XKR9: variants seen among roughly 807,000 people sequenced by gnomAD.
XKR9 encodes the protein XK-related protein 9.
In XKR9, 32 loss-of-function variants were observed where a neutral mutation model predicts 32.0. The ratio of observed to expected loss-of-function variants is 1.00; its 90% CI spans 0.76 to 1.34. XKR9 has a LOEUF of 1.34. Among genes scored for constraint, XKR9 ranks in the 40% most tolerant of loss-of-function variants. The pLI, the probability that XKR9 is intolerant of heterozygous loss-of-function variation, is 0.00. For missense variants in XKR9, 546 were observed against 429.7 expected, an observed-to-expected ratio of 1.27 and a Z score of -2.39; for synonymous variants, 168 against 143.4, an observed-to-expected ratio of 1.17 and a Z score of -1.22.
the XKR9 span, among the ~76,000 whole-genome samples, chr8:71,045,914 G>T: frequency 6.6e-6 from 1 of 152,164 alleles, no homozygotes; most frequent in African/African-American, 2.4e-5. Flanking sequence ...AAAGAGGAAG[G>T]CTGCCACGTG....
At chr8:71,025,884 C>T in the XKR9 span, among the ~76,000 whole-genome samples, 6 of 152,246 alleles carry the variant, frequency 3.9e-5, no homozygotes, top group South Asian at 2.1e-4. Flanking sequence ...CCTTCCAACC[C>T]GGCCCTCATG....
the XKR9 span, among the ~76,000 whole-genome samples, chr8:70,811,099 C>G: frequency 2.6e-5 from 4 of 152,268 alleles, no homozygotes; most frequent in Admixed American, 6.5e-5. Flanking sequence ...TCTCACAGAC[C>G]ATAGTGCAAT....
intron 1 of XKR9, among the ~76,000 whole-genome samples, chr8:70,673,444 G>C (rs925383238): frequency 6.6e-6 from 1 of 152,198 alleles, no homozygotes; most frequent in Non-Finnish European, 1.5e-5. Flanking sequence ...TAGTGACTAT[G>C]TTTTAGATGA....
At chr8:71,007,898 A>G in the XKR9 span, among the ~76,000 whole-genome samples, 1 of 152,128 alleles carries the variant, frequency 6.6e-6, no homozygotes, top group Non-Finnish European at 1.5e-5. Context: ...GAAAATAAAT[A>G]GAAGCAAAAA....
At chr8:70,755,496 C>T (rs1807208737) in intron 2 of XKR9, among the ~76,000 whole-genome samples, 1 of 152,098 alleles carries the variant, frequency 6.6e-6, no homozygotes, top group Admixed American at 6.6e-5. Flanking sequence ...ATAGCAAAGA[C>T]TTGGAACCAA....
At chr8:70,712,585 C>G (rs1805955602) in intron 4 of XKR9, among the ~76,000 whole-genome samples, 1 of 152,044 alleles carries the variant, frequency 6.6e-6, no homozygotes. Flanking sequence ...CTACCTGACT[C>G]CTGACTTCAA....
At chr8:71,020,830 C>G in the XKR9 span, among the ~76,000 whole-genome samples, 1 of 152,202 alleles carries the variant, frequency 6.6e-6, no homozygotes, top group Non-Finnish European at 1.5e-5. Flanking sequence ...TATCACCCTA[C>G]TTTGCTATCA....
At chr8:70,963,158 AC>A in the XKR9 span, among the ~76,000 whole-genome samples, 1,465 of 151,830 alleles carry the variant, frequency 9.6e-3, 22 homozygotes, top group African/African-American at 0.034. Context: ...TGTTGCTCCC[AC>A]CTCATGTGTC....
chr8:70,834,311 T>C, the XKR9 span, among the ~76,000 whole-genome samples: 1 of 152,160 alleles, frequency 6.6e-6, no homozygotes, highest in Non-Finnish European at 1.5e-5. Context: ...TTATATTCCA[T>C]TGAAGTAACT....
chr8:71,044,381 G>A, the XKR9 span, among the ~76,000 whole-genome samples: 2 of 152,144 alleles, frequency 1.3e-5, no homozygotes, highest in Non-Finnish European at 2.9e-5. Context: ...CAGCCCCAGA[G>A]ATAAGAACAA....
the XKR9 span, among the ~76,000 whole-genome samples, chr8:70,959,055 G>A: frequency 1.3e-5 from 2 of 151,784 alleles, no homozygotes; most frequent in Non-Finnish European, 2.9e-5. Context: ...CTTCTTTTAA[G>A]TATACACTTT....
chr8:70,758,213 C>T (rs62532102), intron 2 of XKR9, among the ~76,000 whole-genome samples: 11,040 of 152,096 alleles, frequency 0.073, 475 homozygotes, highest in Non-Finnish European at 0.089. Flanking sequence ...TGATGTCGTT[C>T]CTTAGGGAGG....
At chr8:70,778,050 T>C (rs1807558144) in intron 2 of XKR9, among the ~76,000 whole-genome samples, 1 of 152,238 alleles carries the variant, frequency 6.6e-6, no homozygotes, top group South Asian at 2.1e-4. Flanking sequence ...CTGAGTGGTA[T>C]TGCCTAGGTT....
the XKR9 span, among the ~76,000 whole-genome samples, chr8:71,035,031 G>C: frequency 6.6e-6 from 1 of 152,134 alleles, no homozygotes; most frequent in Non-Finnish European, 1.5e-5. Flanking sequence ...TGGATAAACA[G>C]TTTGTTATTA....
chr8:70,761,530 A>G (rs1462095643), intron 2 of XKR9, among the ~76,000 whole-genome samples: 1 of 151,738 alleles, frequency 6.6e-6, no homozygotes, highest in Non-Finnish European at 1.5e-5. Context: ...TGTTCACCCC[A>G]CCTTTTAATG....
At chr8:70,925,146 G>C in the XKR9 span, among the ~76,000 whole-genome samples, 1 of 152,146 alleles carries the variant, frequency 6.6e-6, no homozygotes, top group Admixed American at 6.5e-5. Context: ...AGGTTCTGCT[G>C]TGAGATTCTT....
chr8:70,855,389 C>T, the XKR9 span, among the ~76,000 whole-genome samples: 118 of 151,648 alleles, frequency 7.8e-4, 1 homozygote, highest in South Asian at 9.2e-3. Flanking sequence ...TGATGGAAGA[C>T]GAAATGAATG....
At chr8:70,851,358 C>G in the XKR9 span, among the ~76,000 whole-genome samples, 1 of 151,990 alleles carries the variant, frequency 6.6e-6, no homozygotes, top group Non-Finnish European at 1.5e-5. Flanking sequence ...CCATACTGCC[C>G]AAAATAATTT....
chr8:70,800,999 G>A, the XKR9 span, among the ~76,000 whole-genome samples: 4 of 79,396 alleles, frequency 5.0e-5, no homozygotes, highest in South Asian at 3.7e-4. Context: ...TTTTTTTTTT[G>A]TATTTCTCTG....
Sources: gnomAD v4.1 joint callset for allele counts (sites outside exome capture counted in the v4.1 genomes callset) on GRCh38, gnomAD v4.1.1 for gene constraint, MANE v1.5 for transcripts, NCBI Gene and HGNC (gene_info 2026-07-23, HGNC 2026-07-21) for gene names.